SCARB1: variants seen among roughly 807,000 people sequenced by gnomAD.
SCARB1 encodes the protein scavenger receptor class B member 1.
A neutral mutation model predicts 57.2 loss-of-function variants in SCARB1; 30 were observed. The observed-to-expected ratio is 0.52, with a 90% CI of 0.39 to 0.71. SCARB1 has a LOEUF of 0.71. Ranked by LOEUF, SCARB1 falls within the 30% of genes least tolerant of loss-of-function variation. SCARB1 has a pLI of 0.00. For synonymous variants in SCARB1, 249 were observed against 268.3 expected (o/e 0.93, Z 0.70); for missense variants, 543 against 671.2 (o/e 0.81, Z 2.11).
At chr12:124,781,084 C>T (rs1873372574) in intron 12 of SCARB1, among the ~76,000 whole-genome samples, 1 of 152,202 alleles carries the variant, frequency 6.6e-6, no homozygotes, top group African/African-American at 2.4e-5. Flanking sequence ...CTAATATTAA[C>T]ACTCCACCCC....
At chr12:124,790,009 C>CCAAAAAAAAAAAA (rs1949666635) in intron 9 of SCARB1, among the ~76,000 whole-genome samples, 1 of 106,138 alleles carries the variant, frequency 9.4e-6, no homozygotes, top group African/African-American at 3.7e-5. Flanking sequence ...GACTCCGTCT[C>CCAAAAAAAAAAAA]AAAAAAAAAA....
intron 1 of SCARB1, among the ~76,000 whole-genome samples, chr12:124,842,749 C>T (rs1487193623): frequency 6.6e-6 from 1 of 152,260 alleles, no homozygotes; most frequent in Non-Finnish European, 1.5e-5. Flanking sequence ...ACATGCCCCT[C>T]TTCACTGCTC....
At chr12:124,853,719 C>T (rs1256271702) in intron 1 of SCARB1, among the ~76,000 whole-genome samples, 1 of 152,126 alleles carries the variant, frequency 6.6e-6, no homozygotes, top group African/African-American at 2.4e-5. Context: ...TAAAGAGCAT[C>T]CTGGCTTTGA....
intron 1 of SCARB1, among the ~76,000 whole-genome samples, chr12:124,852,319 T>A (rs920701201): frequency 1.3e-4 from 19 of 151,490 alleles, no homozygotes; most frequent in African/African-American, 4.4e-4. Flanking sequence ...CCAGATGGAG[T>A]GTGTTAAGAC....
At chr12:124,801,926 GGACCAGTTGAGGTTGGGAGTTCAC>G (rs1454741032) in intron 7 of SCARB1, among the ~76,000 whole-genome samples, 124 of 152,024 alleles carry the variant, frequency 8.2e-4, no homozygotes, top group African/African-American at 2.9e-3. Flanking sequence ...CGAGGCGGGT[GGACCAGTTGAGGTTGGGAGTTCAC>G]GACCAGCCTG....
chr12:124,832,114 T>G (rs7967406), intron 1 of SCARB1, among the ~76,000 whole-genome samples: 49,658 of 152,136 alleles, frequency 0.33, 9,319 homozygotes, highest in South Asian at 0.42. Flanking sequence ...TCAACACTGG[T>G]TCATTCATAG....
rs572531355 is a variant in SCARB1, at chr12:124,810,167, T to C, written c.842+7A>G. The C allele has an allele frequency of 4.8e-5, 77 of 1,599,920 alleles. 2 individuals carry two copies. The South Asian group carries it at 7.6e-4, about 16-fold the overall frequency. ...AAACCCAGGAGGCCCCGAGTCCCAG[T>C]GATTACCGGCAGGCCTCCGGGCTGT... On this transcript the variant is annotated splice_region_variant and intron_variant, in intron 6 of 12. Coordinates refer to ENST00000261693, the MANE Select transcript of SCARB1 (RefSeq NM_005505.5). The surrounding 1 kb of genome is among the most constrained non-coding windows in gnomAD (Gnocchi z 4.0).
At position 124,796,676 on chromosome 12, in the gene SCARB1, A is replaced by C. The variant is rs1398939487; in HGVS notation, c.1129-1408T>G. 1.3e-5 allele frequency among the ~76,000 whole-genome samples: 2 copies of C among 152,206 alleles called. No individual in the cohort carries two copies. Among genetic ancestry groups the C allele is most frequent in the Non-Finnish European group, 2.9e-5 (2 of 68,030 alleles). ...AAATGCCTAGGTTATTATCACGTAC[A>C]CTATAGGGAAAGGATGTTTTCTTCA... On this transcript the variant is annotated intron_variant, in intron 8 of 12. Coordinates refer to ENST00000261693, the MANE Select transcript of SCARB1 (RefSeq NM_005505.5). The surrounding 1 kb of genome is among the most constrained non-coding windows in gnomAD (Gnocchi z 4.0).
At chr12:124,813,501 A>G (rs74883398) in intron 4 of SCARB1, among the ~76,000 whole-genome samples, 4,982 of 152,286 alleles carry the variant, frequency 0.033, 292 homozygotes, top group African/African-American at 0.11. Flanking sequence ...GGTTTTCATT[A>G]TATGCAGTCA....
chr12:124,782,675 G>A lies in SCARB1; in HGVS notation c.*8C>T, dbSNP rs1457210769. 1.9e-6 allele frequency: 3 copies of A among 1,613,668 alleles called. No homozygotes were observed. The highest frequency in any genetic ancestry group is 1.3e-5 in the African/African-American group (1 of 74,904). On this transcript the variant is annotated splice_region_variant and intron_variant, in intron 12 of 12. Coordinates refer to ENST00000261693, the MANE Select transcript of SCARB1 (RefSeq NM_005505.5). The stretch of plus-strand genomic sequence containing the variant: ...GCGGGGAGGCGCACGGCATTACCTG[G>A]TACCCACCTACAGTTTTGCTTCCTG...
intron 2 of SCARB1, among the ~76,000 whole-genome samples, chr12:124,816,841 G>T (rs938830319): frequency 4.6e-5 from 7 of 152,052 alleles, no homozygotes; most frequent in Non-Finnish European, 8.8e-5. Flanking sequence ...GAGGCTCAGA[G>T]GAATGAAGTC....
In SCARB1 at chr12:124,814,053, G is replaced by C; in HGVS notation, c.630+149C>G. The C allele has an allele frequency of 1.3e-6, 1 of 777,780 alleles. No individual in the cohort carries two copies. The highest frequency in any genetic ancestry group is 2.3e-6 in the Non-Finnish European group (1 of 435,520). The allele number at this position is 777,780 out of a possible 1,614,324, so 48.2% of individuals were successfully genotyped here. On this transcript the variant is annotated intron_variant, in intron 4 of 12. Coordinates refer to ENST00000261693, the MANE Select transcript of SCARB1 (RefSeq NM_005505.5). This position sits in a 1 kb window ranked among gnomAD's most constrained non-coding sequence, Gnocchi z 4.7. Reference sequence around the variant, plus strand: ...CAACATTCCCCATTTCACTCAAGCCGGTTTGAGTCAGGTTCTCAGTCACTT... The same window carrying C: ...CAACATTCCCCATTTCACTCAAGCCCGTTTGAGTCAGGTTCTCAGTCACTT...
At position 124,789,733 on chromosome 12, in the gene SCARB1, T is replaced by C. The variant is rs1199172453; in HGVS notation, c.1203-2276A>G. On this transcript the variant is annotated intron_variant, in intron 9 of 12. Coordinates refer to ENST00000261693, the MANE Select transcript of SCARB1 (RefSeq NM_005505.5). This position sits in a 1 kb window ranked among gnomAD's most constrained non-coding sequence, Gnocchi z 4.4. ...AAAATTAATTTTTAAAAAGAGGGGC[T>C]GGGGCGTGGTGGCTCACGCCTGTAA... Among the ~76,000 whole-genome samples, 2 of 152,202 alleles carry C rather than the reference T, an allele frequency of 1.3e-5. No individual in the cohort carries two copies. Among genetic ancestry groups the C allele is most frequent in the African/African-American group, 4.8e-5 (2 of 41,454 alleles).
intron 1 of SCARB1, among the ~76,000 whole-genome samples, chr12:124,854,983 G>A (rs1030156156): frequency 3.3e-5 from 5 of 152,152 alleles, no homozygotes; most frequent in African/African-American, 1.2e-4. Flanking sequence ...CCCCAGGGAT[G>A]AGGGATGAGG....
At chr12:124,846,858 G>A (rs1363703525) in intron 1 of SCARB1, among the ~76,000 whole-genome samples, 1 of 151,758 alleles carries the variant, frequency 6.6e-6, no homozygotes, top group African/African-American at 2.4e-5. Flanking sequence ...AGCAATGTGG[G>A]TGGATCCCAC....
chr12:124,836,034 C>G (rs1347850500), intron 1 of SCARB1, among the ~76,000 whole-genome samples: 9 of 152,204 alleles, frequency 5.9e-5, no homozygotes, highest in Non-Finnish European at 1.3e-4. Context: ...TTCATTCATT[C>G]ATTCATTCAC....
At chr12:124,815,977 C>T (rs373341833) in intron 2 of SCARB1, among the ~76,000 whole-genome samples, 2 of 152,280 alleles carry the variant, frequency 1.3e-5, no homozygotes, top group East Asian at 3.9e-4. Context: ...AAGGCTCAGG[C>T]CTCGTCTCTC....
chr12:124,825,086 G>T (rs954085728), intron 1 of SCARB1, among the ~76,000 whole-genome samples: 43 of 152,012 alleles, frequency 2.8e-4, no homozygotes, highest in African/African-American at 9.6e-4. Context: ...TTAGCCAGGC[G>T]TGGTGGCAGA....
chr12:124,778,552 G>A lies in SCARB1; in HGVS notation c.*35C>T. On this transcript the variant is annotated 3_prime_UTR_variant, in exon 13 of 13. Coordinates refer to ENST00000261693, the MANE Select transcript of SCARB1 (RefSeq NM_005505.5). ...GCTGGGGGGCCGGTCAGGCCCAGCG[G>A]CCAGGCCTGGCTGGCTCACGGTGTC... 2.2e-6 allele frequency: 3 copies of A among 1,386,204 alleles called. No individual in the cohort carries two copies. The African/African-American group carries it at 4.6e-5, about 21-fold the overall frequency. The allele number at this position is 1,386,204 out of a possible 1,614,324, so 85.9% of individuals were successfully genotyped here. A position where few individuals can be genotyped will look rare whatever the true frequency, so the allele number is the denominator to read the frequency against.
Sources: gnomAD v4.1 joint callset for allele counts (sites outside exome capture counted in the v4.1 genomes callset) on GRCh38, gnomAD v4.1.1 for gene constraint, Gnocchi (gnomAD v3.1) non-coding constraint, MANE v1.5 for transcripts, NCBI Gene and HGNC (gene_info 2026-07-23, HGNC 2026-07-21) for gene names.